USP50: variants seen among roughly 807,000 people sequenced by gnomAD.
USP50 encodes the protein ubiquitin carboxyl-terminal hydrolase 50.
USP50 carries 37 observed loss-of-function variants against 39.2 expected under a neutral mutation model. The observed-to-expected ratio is 0.94, with a 90% CI of 0.73 to 1.24. USP50 has a LOEUF of 1.24. Among genes scored for constraint, USP50 ranks in the 50% most tolerant of loss-of-function variants. The probability of loss-of-function intolerance (pLI) is 0.00; values close to 1 mark genes in which losing one functional copy is unlikely to be tolerated. For synonymous variants in USP50, 139 were observed against 144.5 expected (o/e 0.96, Z 0.27); for missense variants, 374 against 398.2 (o/e 0.94, Z 0.52).
intron 6 of USP50, among the ~76,000 whole-genome samples, chr15:50,516,814 C>G (rs1449078731): frequency 1.3e-5 from 2 of 151,380 alleles, no homozygotes; most frequent in African/African-American, 4.9e-5. Context: ...AAACTGTAAA[C>G]TGAGACAAAG....
chr15:50,495,658 T>C (rs2052368232), downstream of USP50, among the ~76,000 whole-genome samples: 1 of 152,160 alleles, frequency 6.6e-6, no homozygotes, highest in South Asian at 2.1e-4. Flanking sequence ...ATTCCTTCAA[T>C]AAAGTGAGTG....
chr15:50,526,334 A>G (rs745418449), intron 6 of USP50, among the ~76,000 whole-genome samples: 2 of 152,192 alleles, frequency 1.3e-5, no homozygotes, highest in Non-Finnish European at 2.9e-5. Context: ...TGCTGGGACT[A>G]CAGGCGTGAG....
At chr15:50,523,833 G>A (rs1224975773) in intron 6 of USP50, among the ~76,000 whole-genome samples, 2 of 152,012 alleles carry the variant, frequency 1.3e-5, no homozygotes, top group Non-Finnish European at 2.9e-5. Context: ...AAACAATCAG[G>A]CCAAAAGAAC....
At chr15:50,494,903 T>C (rs1010423843) in intron 1 of USP50, among the ~76,000 whole-genome samples, 2 of 151,776 alleles carry the variant, frequency 1.3e-5, no homozygotes, top group African/African-American at 4.8e-5. Context: ...TAATCCCAGC[T>C]ACTCAGGTGG....
At chr15:50,528,389 A>T (rs2052915692) in intron 6 of USP50, among the ~76,000 whole-genome samples, 1 of 151,928 alleles carries the variant, frequency 6.6e-6, no homozygotes, top group Non-Finnish European at 1.5e-5. Context: ...TGATCCTTCC[A>T]CGTCAGCCTC....
chr15:50,498,605 C>T (rs145863722), downstream of USP50: 73 of 1,607,000 alleles, frequency 4.5e-5, no homozygotes, highest in Non-Finnish European at 5.8e-5. Context: ...GTTTTTCCTA[C>T]GATGGCAGGT....
intron 6 of USP50, among the ~76,000 whole-genome samples, chr15:50,522,178 C>G (rs953157963): frequency 6.6e-6 from 1 of 152,006 alleles, no homozygotes; most frequent in African/African-American, 2.4e-5. Flanking sequence ...GTAATCCCAA[C>G]AGTCTGGGAG....
intron 1 of USP50, among the ~76,000 whole-genome samples, chr15:50,495,504 G>A (rs1016027038): frequency 1.4e-5 from 2 of 147,662 alleles, no homozygotes; most frequent in African/African-American, 5.2e-5. Context: ...GTCTCACTAT[G>A]TTGCACAAGT....
chr15:50,498,786 T>A, downstream of USP50: 4 of 1,562,950 alleles, frequency 2.6e-6, no homozygotes, highest in Non-Finnish European at 3.5e-6. Context: ...AAAAAAGTTT[T>A]AAGTGGTTTC....
At chr15:50,527,649 T>G (rs572517024) in intron 6 of USP50, among the ~76,000 whole-genome samples, 15 of 151,980 alleles carry the variant, frequency 9.9e-5, no homozygotes, top group African/African-American at 3.1e-4. Flanking sequence ...TTGTTGTTTT[T>G]TTTTTTTTGA....
intron 6 of USP50, among the ~76,000 whole-genome samples, chr15:50,529,131 C>A (rs2052920631): frequency 6.6e-6 from 1 of 152,042 alleles, no homozygotes; most frequent in African/African-American, 2.4e-5. Flanking sequence ...CTAGGCCTGG[C>A]TGCATACAGG....
Position 50,546,489 on chromosome 15 carries a change from C to G in USP50, c.37G>C (p.Asp13His). The change falls in exon 1 of 7, where the codon GAT becomes CAT. Residue 13 changes from aspartate (D) to histidine (H), a missense_variant. Asp to His is a moderately conservative substitution (Grantham distance 81). Transcript: ENST00000532404. ...SQPSLPADDF[D>H]IYHVLAECTD... ...AAGGCTCACAGGACGTGGTAGATAT[C>G]GAAGTCATCTGCAGGGAGAGACGGC... 6.2e-7 allele frequency: 1 copy of G among 1,613,664 alleles called. No individual in the cohort carries two copies. The highest frequency in any genetic ancestry group is 8.5e-7 in the Non-Finnish European group (1 of 1,179,648).
At chr15:50,519,827 TTGG>T (rs2052834345) in intron 6 of USP50, among the ~76,000 whole-genome samples, 1 of 152,164 alleles carries the variant, frequency 6.6e-6, no homozygotes, top group Non-Finnish European at 1.5e-5. Context: ...TTATATGCTG[TTGG>T]TGGGAATGTA....
chr15:50,517,957 C>T (rs2052816377), intron 6 of USP50, among the ~76,000 whole-genome samples: 1 of 152,198 alleles, frequency 6.6e-6, no homozygotes, highest in Non-Finnish European at 1.5e-5. Flanking sequence ...GCCTTGGCCC[C>T]TCTAAGTGCT....
downstream of USP50, chr15:50,495,952 T>C: frequency 6.2e-7 from 1 of 1,613,894 alleles, no homozygotes; most frequent in African/African-American, 1.3e-5. Flanking sequence ...ATGAGTCTAT[T>C]ATTGTTGCAC....
At chr15:50,532,094 A>G (rs770301608) in intron 5 of USP50, 2 of 456,220 alleles carry the variant, frequency 4.4e-6, no homozygotes. Flanking sequence ...GAATTGCTAG[A>G]GGCTCAGTGC....
chr15:50,532,743 C>T (rs2052950858), intron 5 of USP50, among the ~76,000 whole-genome samples: 1 of 152,070 alleles, frequency 6.6e-6, no homozygotes, highest in Admixed American at 6.5e-5. Flanking sequence ...ATAAAGTAGA[C>T]AGCATGCAAG....
chr15:50,512,220 C>G (rs1214043867), intron 6 of USP50: 2 of 151,014 alleles, frequency 1.3e-5, no homozygotes, highest in Admixed American at 1.3e-4. Flanking sequence ...CCCAGCTACT[C>G]GGGAGGCTGA....
intron 6 of USP50, among the ~76,000 whole-genome samples, chr15:50,514,994 TAAAAAA>T (rs386382963): frequency 1.3e-5 from 1 of 74,628 alleles, no homozygotes. Flanking sequence ...AGACACAGTC[TAAAAAA>T]AAAAAAAAAA....
Sources: allele counts gnomAD v4.1 joint callset (sites outside exome capture counted in the v4.1 genomes callset), GRCh38; gene constraint gnomAD v4.1.1; transcripts MANE v1.5; gene names NCBI Gene and HGNC (gene_info 2026-07-23, HGNC 2026-07-21).